PIK3R5: variants seen among roughly 807,000 people sequenced by gnomAD.
The protein encoded by PIK3R5 is phosphoinositide-3-kinase regulatory subunit 5.
In PIK3R5, 32 loss-of-function variants were observed where a neutral mutation model predicts 94.9. That is an observed-to-expected ratio of 0.34 (90% CI 0.25 to 0.45). The LOEUF is 0.45. Among genes scored for constraint, PIK3R5 ranks in the 20% least tolerant of loss-of-function variants. The pLI is 1.00. For missense variants in PIK3R5, 853 were observed against 1,144.6 expected (o/e 0.75, Z 3.68); for synonymous variants, 443 against 479.4 (o/e 0.92, Z 0.99).
Position 8,881,235 on chromosome 17 carries a change from C to T in PIK3R5, c.2383-218G>A, listed in dbSNP as rs775018644. ...TCCAGCATCTGGAAGAAGCAAGTGCCCCCTGAGGAGACATTGCCCTGCCTG... is the reference window on the plus strand; with the variant it reads ...TCCAGCATCTGGAAGAAGCAAGTGCTCCCTGAGGAGACATTGCCCTGCCTG... On this transcript the variant is annotated intron_variant, in intron 17 of 18. Transcript: ENST00000447110. This position sits in a 1 kb window ranked among gnomAD's most constrained non-coding sequence, Gnocchi z 4.8. Among the ~76,000 whole-genome samples the T allele has an allele frequency of 5.3e-5, 8 of 152,104 alleles. No homozygotes were observed. The highest frequency in any genetic ancestry group is 1.0e-4 in the Non-Finnish European group (7 of 67,988).
At chr17:8,908,530 AACACACACAC>A (rs3138608) in intron 3 of PIK3R5, among the ~76,000 whole-genome samples, 173 of 136,680 alleles carry the variant, frequency 1.3e-3, no homozygotes, top group African/African-American at 3.8e-3. Context: ...AAATAATTAA[AACACACACAC>A]ACACACACAC....
Position 8,881,146 on chromosome 17 carries a change from G to A in PIK3R5, c.2383-129C>T, listed in dbSNP as rs931331070. 3.2e-5 allele frequency: 23 copies of A among 715,320 alleles called. No homozygotes were observed. Among genetic ancestry groups the A allele is most frequent in the Middle Eastern group, 3.7e-4 (1 of 2,704 alleles). 44.3% of individuals were successfully genotyped at this position (715,320 alleles called of 1,614,324 possible). ...GGAGGGCAGGGGTTTGTCTGACTGC[G>A]CTCCAGGGTTAATGGCCAGGTCACA... On this transcript the variant is annotated intron_variant, in intron 17 of 18. Transcript: ENST00000447110. This position sits in a 1 kb window ranked among gnomAD's most constrained non-coding sequence, Gnocchi z 4.8.
intron 6 of PIK3R5, 128 bp from the exon 7 acceptor site, chr17:8,891,040 C>G (rs532073169): frequency 1.2e-5 from 10 of 863,836 alleles, no homozygotes; most frequent in South Asian, 1.7e-5. Context: ...AGGCAGAGCT[C>G]GAGGAGGTGA....
At chr17:8,907,332 C>T (rs1358994758) in intron 3 of PIK3R5, among the ~76,000 whole-genome samples, 2 of 151,918 alleles carry the variant, frequency 1.3e-5, no homozygotes, top group African/African-American at 4.8e-5. Context: ...TGCCTGGCAT[C>T]TTATTAGTTT....
intron 1 of PIK3R5, among the ~76,000 whole-genome samples, chr17:8,953,285 C>G (rs962300570): frequency 6.6e-6 from 1 of 152,206 alleles, no homozygotes; most frequent in Non-Finnish European, 1.5e-5. Flanking sequence ...CTTAGCCTCA[C>G]TAGTTCAGAA....
chr17:8,941,718 G>A (rs1379014608), intron 1 of PIK3R5, among the ~76,000 whole-genome samples: 3 of 152,172 alleles, frequency 2.0e-5, no homozygotes, highest in African/African-American at 4.8e-5. Context: ...ATCCCGAGAG[G>A]AGTGTGGCCA....
chr17:8,885,160 G>A, intron 14 of PIK3R5: 2 of 249,564 alleles, frequency 8.0e-6, no homozygotes, highest in Non-Finnish European at 1.6e-5. Context: ...GGGTAACCCT[G>A]CCTCCCCAGG....
chr17:8,891,689 C>T (rs1597379455), intron 6 of PIK3R5, among the ~76,000 whole-genome samples: 4 of 151,878 alleles, frequency 2.6e-5, no homozygotes, highest in African/African-American at 4.8e-5. Context: ...CCCCGCCTCC[C>T]GGGTTCACAC....
rs780942089 is a variant in PIK3R5 at position 8,890,033 on chromosome 17, G to A, written c.751C>T (p.Arg251Trp). Residue 251 changes from arginine (R) to tryptophan (W), a missense_variant, in exon 8 of 19, where the codon CGG becomes TGG. Physicochemically the swap from Arg to Trp is moderately radical, Grantham distance 101. Coordinates refer to ENST00000447110, the MANE Select transcript of PIK3R5 (RefSeq NM_001142633.3). This position sits in a 1 kb window ranked among gnomAD's most constrained non-coding sequence, Gnocchi z 6.1. Reference protein sequence around the residue: ...SGIGDAAEARRWLRTKLQAVG... With the variant: ...SGIGDAAEARWWLRTKLQAVG... The stretch of plus-strand genomic sequence containing the variant: ...GCCTGCAGCTTGGTCCTGAGCCACC[G>A]CCGGGCCTCTGCAGCATCCCCGATG... The A allele has an allele frequency of 1.9e-6, 3 of 1,613,818 alleles. No individual in the cohort carries two copies. Among genetic ancestry groups the A allele is most frequent in the African/African-American group, 2.7e-5 (2 of 74,854 alleles).
Position 8,884,453 on chromosome 17 carries a change from C to T in PIK3R5, c.2205+254G>A, listed in dbSNP as rs2089760440. Among the ~76,000 whole-genome samples, 5 of 152,156 alleles carry T rather than the reference C, an allele frequency of 3.3e-5. No homozygotes were observed. The South Asian group carries it at 1.0e-3, about 32-fold the overall frequency. On this transcript the variant is annotated intron_variant, in intron 15 of 18. Transcript: ENST00000447110. This position sits in a 1 kb window ranked among gnomAD's most constrained non-coding sequence, Gnocchi z 5.8. ...TAGCCAGGCCCAGCAGACCCCTACCCCTGGGCTGCTGCTGAGCGCATTCGG... is the reference window on the plus strand; with the variant it reads ...TAGCCAGGCCCAGCAGACCCCTACCTCTGGGCTGCTGCTGAGCGCATTCGG...
intron 1 of PIK3R5, among the ~76,000 whole-genome samples, chr17:8,957,332 C>T (rs1430656905): frequency 6.6e-6 from 1 of 152,164 alleles, no homozygotes; most frequent in Non-Finnish European, 1.5e-5. Flanking sequence ...TTCTAGTGAG[C>T]TGGAGTCTAT....
In PIK3R5 at chr17:8,922,385, C is replaced by G. The variant is rs182016821; in HGVS notation, c.-13-10878G>C. 3.3e-5 allele frequency among the ~76,000 whole-genome samples: 5 copies of G among 152,254 alleles called. No individual in the cohort carries two copies. In the East Asian group the frequency reaches 9.6e-4, roughly 29 times the overall value. On this transcript the variant is annotated intron_variant, in intron 1 of 18. Coordinates refer to ENST00000447110, the MANE Select transcript of PIK3R5 (RefSeq NM_001142633.3). ...TTTGATAATCATAATCACCCTGTGA[C>G]ATTATCATAATTATTCACATTTCCT...
chr17:8,889,008 C>T lies in PIK3R5; in HGVS notation c.896-117G>A, dbSNP rs1202490633. 1.5e-5 allele frequency: 22 copies of T among 1,516,102 alleles called. No homozygotes were observed. The East Asian group carries it at 4.1e-4, about 28-fold the overall frequency. 93.9% of individuals were successfully genotyped at this position (1,516,102 alleles called of 1,614,324 possible). ...CCAGCCCAGGACTCCTAGCACTGCC[C>T]CCTTGCTCTGCTTAGAGCCTGCTCA... is the stretch of plus-strand genomic sequence containing the variant. On this transcript the variant is annotated intron_variant, in intron 9 of 18. Transcript: ENST00000447110. The surrounding 1 kb of genome is among the most constrained non-coding windows in gnomAD (Gnocchi z 4.1).
chr17:8,919,856 CTT>C lies in PIK3R5; in HGVS notation c.-13-8351_-13-8350del, dbSNP rs994960529. 4.8e-5 allele frequency among the ~76,000 whole-genome samples: 7 copies of C among 145,146 alleles called. 1 individual carries two copies. Among genetic ancestry groups the C allele is most frequent in the African/African-American group, 1.8e-4 (7 of 39,016 alleles). ...CTCTCCTCTCCTTCTCTCTCTCTCT[CTT>C]TCTTTCTTTCTCTTTTTTTCTTTTT... is the stretch of plus-strand genomic sequence containing the variant. On this transcript the variant is annotated intron_variant, in intron 1 of 18. Coordinates refer to ENST00000447110, the MANE Select transcript of PIK3R5 (RefSeq NM_001142633.3).
intron 3 of PIK3R5, among the ~76,000 whole-genome samples, chr17:8,908,015 G>A (rs145298957): frequency 7.2e-5 from 11 of 152,198 alleles, no homozygotes; most frequent in Non-Finnish European, 1.0e-4. Context: ...TTTTAGTATC[G>A]CTTTTTCATA....
intron 1 of PIK3R5, among the ~76,000 whole-genome samples, chr17:8,954,424 T>TCCTGATTGC (rs2091432544): frequency 6.6e-6 from 1 of 152,150 alleles, no homozygotes; most frequent in Non-Finnish European, 1.5e-5. Context: ...AAAACACAGC[T>TCCTGATTGC]CCTGATTGCC....
Position 8,905,644 on chromosome 17 carries a change from A to G in PIK3R5, c.273+25T>C, listed in dbSNP as rs1480405802. 1.9e-6 allele frequency: 3 copies of G among 1,565,418 alleles called. No homozygotes were observed. The South Asian group carries it at 3.5e-5, about 18-fold the overall frequency. On this transcript the variant is annotated intron_variant, in intron 4 of 18. Coordinates refer to ENST00000447110, the MANE Select transcript of PIK3R5 (RefSeq NM_001142633.3). ...CTCCTCCCCCTCCTCCCTCACCTCC[A>G]GCATCCTGGCCCACGTGGACTTACA...
intron 1 of PIK3R5, among the ~76,000 whole-genome samples, chr17:8,937,185 C>T (rs1258075199): frequency 4.6e-5 from 7 of 152,170 alleles, no homozygotes; most frequent in Non-Finnish European, 8.8e-5. Flanking sequence ...TATACATAGA[C>T]AATCATGTTA....
rs1431974254 is a variant in PIK3R5 at position 8,911,958 on chromosome 17, A to G, written c.-13-451T>C. 6.5e-6 allele frequency: 1 copy of G among 153,280 alleles called. No individual in the cohort carries two copies. Among genetic ancestry groups the G allele is most frequent in the Non-Finnish European group, 1.5e-5 (1 of 68,740 alleles). 9.5% of individuals were successfully genotyped at this position (153,280 alleles called of 1,614,324 possible). A position where few individuals can be genotyped will look rare whatever the true frequency, so the allele number is the denominator to read the frequency against. Reference sequence around the variant, plus strand: ...TGGGGCAGAGAGCGTGTTCCTGATGACAAGGCCACAGCAACTCCCTCAATA... The same window carrying G: ...TGGGGCAGAGAGCGTGTTCCTGATGGCAAGGCCACAGCAACTCCCTCAATA... On this transcript the variant is annotated intron_variant, in intron 1 of 18. Coordinates refer to ENST00000447110, the MANE Select transcript of PIK3R5 (RefSeq NM_001142633.3). This position sits in a 1 kb window ranked among gnomAD's most constrained non-coding sequence, Gnocchi z 5.3.
Sources: allele counts gnomAD v4.1 joint callset (sites outside exome capture counted in the v4.1 genomes callset), GRCh38; gene constraint gnomAD v4.1.1; non-coding constraint Gnocchi (gnomAD v3.1); transcripts MANE v1.5; gene names NCBI Gene and HGNC (gene_info 2026-07-23, HGNC 2026-07-21).